SRRM3: variants seen among roughly 807,000 people sequenced by gnomAD.
SRRM3 encodes the protein serine/arginine repetitive matrix 3.
In SRRM3, 27 loss-of-function variants were observed where a neutral mutation model predicts 66.2. That is an observed-to-expected ratio of 0.41 (90% CI 0.30 to 0.56). SRRM3 has a LOEUF of 0.56. Ranked by LOEUF, SRRM3 falls within the 20% of genes least tolerant of loss-of-function variation. The pLI, the probability that SRRM3 is intolerant of heterozygous loss-of-function variation, is 0.32. For missense variants in SRRM3, 918 were observed against 991.9 expected, an observed-to-expected ratio of 0.93 and a Z score of 1.00; for synonymous variants, 391 against 414.9, an observed-to-expected ratio of 0.94 and a Z score of 0.70.
intron 12 of SRRM3, 61 bp from the exon 13 acceptor site, chr7:76,282,587 C>A: frequency 1.1e-6 from 1 of 931,732 alleles, no homozygotes; most frequent in South Asian, 2.1e-5. Context: ...GGGAACCCTC[C>A]CCGCCCCCAG....
chr7:76,239,070 T>TTG (rs1347308287), intron 2 of SRRM3, among the ~76,000 whole-genome samples: 1 of 152,154 alleles, frequency 6.6e-6, no homozygotes, highest in African/African-American at 2.4e-5. Context: ...TTCACTCTTG[T>TTG]TGCCCAGGCT....
intron 1 of SRRM3, among the ~76,000 whole-genome samples, chr7:76,231,638 A>T (rs1801019112): frequency 6.6e-6 from 1 of 152,264 alleles, no homozygotes. Context: ...CTAACGAGCC[A>T]GAATGAAAGG....
chr7:76,261,266 G>T, intron 6 of SRRM3, 86 bp from the exon 7 acceptor site: 1 of 891,462 alleles, frequency 1.1e-6, no homozygotes. Flanking sequence ...CAGCTTCAAT[G>T]TCCCAAGCAC....
chr7:76,241,144 G>A (rs968624423), intron 2 of SRRM3, among the ~76,000 whole-genome samples: 5 of 152,098 alleles, frequency 3.3e-5, no homozygotes, highest in African/African-American at 1.2e-4. Context: ...TGATCTGCCC[G>A]CCTCGGCCTC....
At chr7:76,232,572 C>CAA (rs1295713420) in intron 1 of SRRM3, among the ~76,000 whole-genome samples, 1 of 140,944 alleles carries the variant, frequency 7.1e-6, no homozygotes, top group African/African-American at 2.6e-5. Context: ...ACTCCTTCTC[C>CAA]AAAAAAAAAA....
At chr7:76,218,247 G>C (rs999157969) in intron 1 of SRRM3, among the ~76,000 whole-genome samples, 14 of 152,200 alleles carry the variant, frequency 9.2e-5, no homozygotes, top group African/African-American at 3.4e-4. Context: ...TCCTCAGAGA[G>C]CATGGGCTTC....
At chr7:76,231,795 A>G (rs1266810523) in intron 1 of SRRM3, among the ~76,000 whole-genome samples, 1 of 152,242 alleles carries the variant, frequency 6.6e-6, no homozygotes, top group Non-Finnish European at 1.5e-5. Context: ...TCCTTCCTGG[A>G]AGAGCGGAAG....
At chr7:76,238,327 C>T (rs1449861045) in intron 2 of SRRM3, among the ~76,000 whole-genome samples, 1 of 151,958 alleles carries the variant, frequency 6.6e-6, no homozygotes, top group Non-Finnish European at 1.5e-5. Flanking sequence ...TTTATCAAAT[C>T]GAGTCATTAA....
intron 1 of SRRM3, among the ~76,000 whole-genome samples, chr7:76,206,120 G>A (rs921404160): frequency 5.3e-5 from 8 of 152,112 alleles, no homozygotes; most frequent in African/African-American, 1.4e-4. Flanking sequence ...TGATCCTCCC[G>A]CCTCAGCCTC....
In SRRM3 at chr7:76,282,695, C is replaced by T. The variant is rs1239416830; in HGVS notation, c.1418C>T (p.Ser473Phe). The change falls in exon 13 of 15, where the codon TCC (serine) becomes TTC (phenylalanine). Residue 473 changes from serine (S) to phenylalanine (F), a missense_variant. Physicochemically the swap from Ser to Phe is radical, Grantham distance 155. Coordinates refer to ENST00000611745, the MANE Select transcript of SRRM3 (RefSeq NM_001110199.3). Reference protein sequence around the residue: ...PRARPASTSPSPGAHGRRGGP... With the variant: ...PRARPASTSPFPGAHGRRGGP... ...GCGCGGCCCGCCAGCACCTCTCCGT[C>T]CCCGGGCGCGCACGGCCGGCGCGGC... The T allele has an allele frequency of 1.6e-5, 23 of 1,423,492 alleles. No individual in the cohort carries two copies. The highest frequency in any genetic ancestry group is 2.0e-5 in the Non-Finnish European group (22 of 1,095,488). 88.2% of individuals were successfully genotyped at this position (1,423,492 alleles called of 1,614,324 possible).
intron 1 of SRRM3, among the ~76,000 whole-genome samples, chr7:76,209,068 C>T (rs1213223942): frequency 3.9e-5 from 6 of 152,144 alleles, no homozygotes; most frequent in Admixed American, 3.9e-4. Context: ...CACTATACTC[C>T]AGCCTGGGTG....
intron 1 of SRRM3, among the ~76,000 whole-genome samples, chr7:76,203,961 T>A (rs1800225586): frequency 6.6e-6 from 1 of 152,120 alleles, no homozygotes; most frequent in Non-Finnish European, 1.5e-5. Flanking sequence ...AGAGGTAGAA[T>A]GTGCCTTGAA....
intron 2 of SRRM3, among the ~76,000 whole-genome samples, chr7:76,246,007 T>C (rs1424430266): frequency 6.6e-6 from 1 of 152,038 alleles, no homozygotes; most frequent in African/African-American, 2.4e-5. Context: ...CAGTAGGTCT[T>C]ATTCATTCTA....
At chr7:76,259,803 G>A in intron 3 of SRRM3, 103 bp from the exon 4 acceptor site, 1 of 1,549,758 alleles carries the variant, frequency 6.5e-7, no homozygotes, top group Non-Finnish European at 8.7e-7. Flanking sequence ...CAGCCGGGTA[G>A]CAGCCCGCAG....
rs190193918 is a variant in SRRM3, at chr7:76,242,346, G to A, written c.234-5842G>A. On this transcript the variant is annotated intron_variant, in intron 2 of 14. Coordinates refer to ENST00000611745, the MANE Select transcript of SRRM3 (RefSeq NM_001110199.3). ...GTAAAAATACAAAAATTAGCTGGGC[G>A]TGGGGGCGCATGCCTGTAGTCCCAG... Among the ~76,000 whole-genome samples the A allele has an allele frequency of 5.8e-3, 887 of 152,212 alleles. 11 individuals are homozygous for A. The highest frequency in any genetic ancestry group is 0.02 in the African/African-American group (814 of 41,534).
intron 2 of SRRM3, among the ~76,000 whole-genome samples, chr7:76,242,798 G>A (rs561932591): frequency 2.0e-5 from 3 of 152,264 alleles, no homozygotes; most frequent in Non-Finnish European, 4.4e-5. Flanking sequence ...CCACTCCTAT[G>A]AGAATCTAAT....
rs150657854 is a variant in SRRM3 at position 76,239,422 on chromosome 7, G to A, written c.233+4123G>A. Among the ~76,000 whole-genome samples the A allele has an allele frequency of 7.0e-3, 1,060 of 152,240 alleles. 7 individuals carry two copies. In the Middle Eastern group the frequency reaches 0.099, roughly 14 times the overall value. ...GAATCAAAAGGCTACCATTCCAGCC[G>A]CTGTGGCTCATGCCTATAATCCCAG... On this transcript the variant is annotated intron_variant, in intron 2 of 14. Transcript: ENST00000611745.
intron 1 of SRRM3, among the ~76,000 whole-genome samples, chr7:76,203,585 T>C (rs1554600826): frequency 6.6e-6 from 1 of 152,274 alleles, no homozygotes; most frequent in Non-Finnish European, 1.5e-5. Context: ...TGAAGCACAT[T>C]TTTCTGTTCC....
chr7:76,265,863 T>TTATATATTTAA (rs1563634723), intron 10 of SRRM3, among the ~76,000 whole-genome samples: 2 of 20,702 alleles, frequency 9.7e-5, no homozygotes, highest in African/African-American at 1.2e-3. Flanking sequence ...TATATATTTT[T>TTATATATTTAA]TTTTTTTTTT....
Sources: allele counts gnomAD v4.1 joint callset (sites outside exome capture counted in the v4.1 genomes callset), GRCh38; gene constraint gnomAD v4.1.1; transcripts MANE v1.5; gene names NCBI Gene and HGNC (gene_info 2026-07-23, HGNC 2026-07-21).